Variants in GPRC6A observed in about 807,000 individuals in gnomAD.
The protein encoded by GPRC6A is G protein-coupled receptor class C group 6 member A.
GPRC6A carries 54 observed loss-of-function variants against 47.0 expected under a neutral mutation model. That is an observed-to-expected ratio of 1.15 (90% CI 0.92 to 1.44). The LOEUF (loss-of-function observed/expected upper bound fraction) is 1.44. Among genes scored for constraint, GPRC6A ranks in the 40% most tolerant of loss-of-function variants. GPRC6A has a pLI of 0.00. For synonymous variants in GPRC6A, 347 were observed against 377.1 expected, an observed-to-expected ratio of 0.92 and a Z score of 0.93; for missense variants, 1,112 against 1,105.5, an observed-to-expected ratio of 1.01 and a Z score of -0.08.
chr6:116,795,876 A>G, intron 4 of GPRC6A, 41 bp from the exon 5 acceptor site: 4 of 1,350,674 alleles, frequency 3.0e-6, no homozygotes, highest in Non-Finnish European at 4.1e-6. Context: ...GTAAATTTGT[A>G]AAAAAAATTA....
Position 116,816,379 on chromosome 6 carries a change from G to A in GPRC6A, c.195-6762C>T, listed in dbSNP as rs542886780. 3.4e-4 allele frequency among the ~76,000 whole-genome samples: 52 copies of A among 152,316 alleles called. 1 individual carries two copies. In the South Asian group the frequency reaches 4.6e-3, roughly 13 times the overall value. On this transcript the variant is annotated intron_variant, in intron 1 of 5. Coordinates refer to ENST00000310357, the MANE Select transcript of GPRC6A (RefSeq NM_148963.4). Reference sequence around the variant, plus strand: ...CCATGTAAATCCCAAACCCAGCAGCGCAATCATTACATCTTAAAGCTCCAA... The same window carrying A: ...CCATGTAAATCCCAAACCCAGCAGCACAATCATTACATCTTAAAGCTCCAA...
intron 1 of GPRC6A, among the ~76,000 whole-genome samples, chr6:116,826,623 C>T (rs1169224425): frequency 6.6e-6 from 1 of 151,924 alleles, no homozygotes; most frequent in Non-Finnish European, 1.5e-5. Context: ...ATTAGTACAA[C>T]CCCTATGGGA....
At chr6:116,797,216 T>C (rs1483401236) in intron 4 of GPRC6A, among the ~76,000 whole-genome samples, 1 of 152,158 alleles carries the variant, frequency 6.6e-6, no homozygotes, top group Non-Finnish European at 1.5e-5. Flanking sequence ...CATGAACTCA[T>C]CATTTTTTAT....
intron 1 of GPRC6A, among the ~76,000 whole-genome samples, chr6:116,814,802 G>A (rs199676082): frequency 1.0e-3 from 159 of 151,570 alleles, no homozygotes; most frequent in African/African-American, 3.7e-3. Context: ...AATAAAAAAA[G>A]CATGATCCAA....
Position 116,806,779 on chromosome 6 carries a change from G to A in GPRC6A, c.926C>T (p.Thr309Ile), listed in dbSNP as rs1357846457. 2 of 1,613,460 alleles carry A rather than the reference G, an allele frequency of 1.2e-6. No individual in the cohort carries two copies. Among genetic ancestry groups the A allele is most frequent in the African/African-American group, 2.7e-5 (2 of 74,842 alleles). The change falls in exon 3 of 6, where the codon ACC (threonine) becomes ATC (isoleucine). Residue 309 changes from threonine to isoleucine, a missense_variant. Physicochemically the swap from Thr to Ile is moderately conservative, Grantham distance 89. Coordinates refer to ENST00000310357, the MANE Select transcript of GPRC6A (RefSeq NM_148963.4). ...AACATTAGGAATGGTGGTAATCTTG[G>A]TGGCAGTTGACCAATTATCACTAGC... ...WIASDNWSTA[T>I]KITTIPNVKK... is the part of the protein sequence containing the mutation.
chr6:116,799,907 T>C (rs1751345289), intron 4 of GPRC6A, among the ~76,000 whole-genome samples: 1 of 152,132 alleles, frequency 6.6e-6, no homozygotes, highest in African/African-American at 2.4e-5. Context: ...CTGTCTATAG[T>C]GCCAGATGGA....
intron 3 of GPRC6A, among the ~76,000 whole-genome samples, chr6:116,801,775 C>T (rs1342007342): frequency 1.3e-5 from 2 of 152,148 alleles, no homozygotes; most frequent in East Asian, 3.9e-4. Context: ...GTATTTATGT[C>T]CCCACAGATG....
rs1772868548 is a variant in GPRC6A, at chr6:116,807,015, A to C, written c.690T>G (p.Ile230Met). ...YGRLALNTFI[I>M]QAEANNVCIA... ...TGCACACGTTATTTGCTTCAGCCTG[A>C]ATTATAAAAGTGTTAAGAGCCAATC... is the stretch of plus-strand genomic sequence containing the variant. The change falls in exon 3 of 6, where the codon ATT (isoleucine) becomes ATG (methionine). Residue 230 changes from isoleucine to methionine, a missense_variant. Ile to Met is a conservative substitution (Grantham distance 10). Transcript: ENST00000310357. 1 of 1,613,684 alleles carries C rather than the reference A, an allele frequency of 6.2e-7. No homozygotes were observed. Among genetic ancestry groups the C allele is most frequent in the Admixed American group, 1.7e-5 (1 of 59,914 alleles).
At chr6:116,813,290 A>G (rs943510611) in intron 1 of GPRC6A, among the ~76,000 whole-genome samples, 3 of 152,284 alleles carry the variant, frequency 2.0e-5, no homozygotes, top group East Asian at 3.9e-4. Flanking sequence ...AAAAGAGCCC[A>G]CATTGCCAAG....
rs761155867 is a variant in GPRC6A at position 116,806,884 on chromosome 6, A to G, written c.821T>C (p.Ile274Thr). 6.2e-7 allele frequency: 1 copy of G among 1,613,564 alleles called. No individual in the cohort carries two copies. Among genetic ancestry groups the G allele is most frequent in the Non-Finnish European group, 8.5e-7 (1 of 1,179,658 alleles). ...ATGGAATTGCCTCAGAAATACCACA[A>G]TGACATTAACCTGGGCTTCTAAAAT... is the stretch of plus-strand genomic sequence containing the variant. ...KIILEAQVNV[I>T]VVFLRQFHVF... Residue 274 changes from isoleucine (I) to threonine (T), a missense_variant, in exon 3 of 6, where the codon ATT (isoleucine) becomes ACT (threonine). Physicochemically the swap from Ile to Thr is moderately conservative, Grantham distance 89. Transcript: ENST00000310357.
At chr6:116,801,406 G>C (rs999727717) in intron 3 of GPRC6A, among the ~76,000 whole-genome samples, 2 of 152,170 alleles carry the variant, frequency 1.3e-5, no homozygotes, top group Non-Finnish European at 2.9e-5. Context: ...TTGTGCTGTA[G>C]TGGAAGAACA....
At chr6:116,796,968 G>A (rs1188776003) in intron 4 of GPRC6A, among the ~76,000 whole-genome samples, 2 of 152,084 alleles carry the variant, frequency 1.3e-5, no homozygotes, top group Non-Finnish European at 2.9e-5. Flanking sequence ...GTGCCATGCT[G>A]GTGCGCTGCA....
intron 5 of GPRC6A, among the ~76,000 whole-genome samples, chr6:116,793,987 C>T (rs1396241888): frequency 6.6e-6 from 1 of 152,206 alleles, no homozygotes; most frequent in African/African-American, 2.4e-5. Flanking sequence ...CAGAGCCTCT[C>T]ACACTGTAAG....
At chr6:116,817,890 C>G (rs1396745516) in intron 1 of GPRC6A, among the ~76,000 whole-genome samples, 4 of 151,710 alleles carry the variant, frequency 2.6e-5, no homozygotes. Context: ...GTGAAAAGAC[C>G]AAATCTACGT....
chr6:116,815,378 G>C (rs1276980558), intron 1 of GPRC6A, among the ~76,000 whole-genome samples: 1 of 152,200 alleles, frequency 6.6e-6, no homozygotes, highest in African/African-American at 2.4e-5. Flanking sequence ...AGCTACTTAG[G>C]AGGCTGAGGT....
chr6:116,793,207 G>A lies in GPRC6A; in HGVS notation c.1716C>T (p.Ala572=). ...CAAAGCACATAGTGCTCCTAACAGG[G>A]GCCCAGTGAGTTTTGTTGTTGCATA... is the stretch of plus-strand genomic sequence containing the variant. ...CLLCNNKTHW[A]PVRSTMCFEK... The change falls in exon 6 of 6, where the codon GCC becomes GCT. Residue 572 remains alanine (A), a synonymous_variant. Coordinates refer to ENST00000310357, the MANE Select transcript of GPRC6A (RefSeq NM_148963.4). 2 of 1,605,616 alleles carry A rather than the reference G, an allele frequency of 1.2e-6. No individual in the cohort carries two copies.
intron 5 of GPRC6A, 106 bp downstream of exon 5, chr6:116,795,606 C>A: frequency 1.1e-6 from 1 of 929,038 alleles, no homozygotes. Context: ...GCATGGGAAG[C>A]TTTTTAAATT....
chr6:116,813,224 C>T (rs528168113), intron 1 of GPRC6A, among the ~76,000 whole-genome samples: 52 of 152,292 alleles, frequency 3.4e-4, no homozygotes, highest in African/African-American at 1.2e-3. Context: ...ATCAAGCTAC[C>T]AATGACTTTC....
chr6:116,818,708 C>T (rs531272387), intron 1 of GPRC6A, among the ~76,000 whole-genome samples: 9 of 151,194 alleles, frequency 6.0e-5, no homozygotes, highest in East Asian at 1.9e-4. Flanking sequence ...CTGAAGGAAG[C>T]GCTAAACATG....
Sources: allele counts gnomAD v4.1 joint callset (sites outside exome capture counted in the v4.1 genomes callset), GRCh38; gene constraint gnomAD v4.1.1; transcripts MANE v1.5; gene names NCBI Gene and HGNC (gene_info 2026-07-23, HGNC 2026-07-21).